The following LETM1 variants were observed in gnomAD, a reference collection of about 807,000 sequenced individuals.
The protein encoded by LETM1 is mitochondrial proton/calcium exchanger protein.
A neutral mutation model predicts 74.5 loss-of-function variants in LETM1; 50 were observed. The observed-to-expected ratio is 0.67, with a 90% confidence interval of 0.53 to 0.85. The LOEUF (loss-of-function observed/expected upper bound fraction) is 0.85. Among genes scored for constraint, LETM1 ranks in the 40% least tolerant of loss-of-function variants. The pLI, the probability that LETM1 is intolerant of heterozygous loss-of-function variation, is 0.00. For synonymous variants in LETM1, 446 were observed against 407.1 expected, an observed-to-expected ratio of 1.10 and a Z score of -1.15; for missense variants, 824 against 967.8, an observed-to-expected ratio of 0.85 and a Z score of 1.97.
At chr4:1,837,161 G>C (rs1049571148) in intron 3 of LETM1, among the ~76,000 whole-genome samples, 1 of 152,316 alleles carries the variant, frequency 6.6e-6, no homozygotes, top group Admixed American at 6.5e-5. Context: ...GGGTGATGCT[G>C]CCCCTCCTTG....
rs551095561 is a variant in LETM1 at position 1,816,113 on chromosome 4, G to A, written c.1932-311C>T. ...TTGTCCTCAGGCCTGTGGCCACTTG[G>A]CAATACGTTCACGATCATGGGGGCT... is the stretch of plus-strand genomic sequence containing the variant. On this transcript the variant is annotated intron_variant, in intron 12 of 13. Coordinates refer to ENST00000302787, the MANE Select transcript of LETM1 (RefSeq NM_012318.3). Among the ~76,000 whole-genome samples, 4 of 152,392 alleles carry A rather than the reference G, an allele frequency of 2.6e-5. No individual in the cohort carries two copies. The South Asian group carries it at 8.3e-4, about 32-fold the overall frequency.
Position 1,828,049 on chromosome 4 carries a change from A to AC in LETM1, c.1081-2367dup, listed in dbSNP as rs1368516939. 5.0e-4 allele frequency among the ~76,000 whole-genome samples: 47 copies of AC among 93,868 alleles called. 2 individuals are homozygous for AC. In the East Asian group the frequency reaches 5.6e-3, roughly 11 times the overall value. 61.6% of individuals were successfully genotyped at this position (93,868 alleles called of 152,430 possible). A position where few individuals can be genotyped will look rare whatever the true frequency, so the allele number is the denominator to read the frequency against. On this transcript the variant is annotated intron_variant, in intron 6 of 13. Transcript: ENST00000302787. ...GGCGGCTGGCCGGGCAGGGGGGCTG[A>AC]CCCCCCCCACCTCCCTCCCGGACGG... is the stretch of plus-strand genomic sequence containing the variant.
intron 7 of LETM1, among the ~76,000 whole-genome samples, chr4:1,824,617 G>A (rs946514535): frequency 4.6e-5 from 7 of 152,236 alleles, no homozygotes; most frequent in Admixed American, 1.3e-4. Context: ...AGGCACCACC[G>A]AGAGGTGGGT....
At position 1,849,132 on chromosome 4, in the gene LETM1, G is replaced by A. The variant is rs1318260050; in HGVS notation, c.143+17C>T. The A allele has an allele frequency of 1.3e-5, 21 of 1,590,440 alleles. No individual in the cohort carries two copies. The highest frequency in any genetic ancestry group is 1.8e-5 in the Non-Finnish European group (21 of 1,158,258). Reference sequence around the variant, plus strand: ...GTTTTCAAACAGACAGGTGCAGAGTGATACTGATTTACTCACAGGCAGTTC... The same window carrying A: ...GTTTTCAAACAGACAGGTGCAGAGTAATACTGATTTACTCACAGGCAGTTC... On this transcript the variant is annotated intron_variant, in intron 2 of 13. Coordinates refer to ENST00000302787, the MANE Select transcript of LETM1 (RefSeq NM_012318.3).
At chr4:1,845,001 C>A (rs897304357) in intron 2 of LETM1, among the ~76,000 whole-genome samples, 1 of 151,378 alleles carries the variant, frequency 6.6e-6, no homozygotes, top group African/African-American at 2.4e-5. Flanking sequence ...ACCAGCCTGG[C>A]CAATATGGTG....
chr4:1,812,400 T>A lies in LETM1; in HGVS notation c.*2024A>T, dbSNP rs1722496366. 6.9e-6 allele frequency: 1 copy of A among 145,036 alleles called. No homozygotes were observed. The allele number at this position is 145,036 out of a possible 1,614,324, so 9.0% of individuals were successfully genotyped here. On this transcript the variant is annotated 3_prime_UTR_variant, in exon 14 of 14. Transcript: ENST00000302787. ...AAAAAAAAAAAAAAAAGTGAGTGCT[T>A]AGCTGGAGTGAGGAGGAAACACTGA...
intron 2 of LETM1, among the ~76,000 whole-genome samples, chr4:1,847,124 G>C (rs1465355291): frequency 1.3e-5 from 2 of 151,302 alleles, no homozygotes; most frequent in African/African-American, 4.9e-5. Flanking sequence ...TTGAGTCCAG[G>C]AGTTCAAGAG....
At chr4:1,854,896 A>G (rs1449928435) in intron 1 of LETM1, among the ~76,000 whole-genome samples, 1 of 152,028 alleles carries the variant, frequency 6.6e-6, no homozygotes, top group Non-Finnish European at 1.5e-5. Flanking sequence ...AGACAAGAAT[A>G]TTGAAGCTGG....
chr4:1,844,228 T>G (rs1712805192), intron 2 of LETM1, among the ~76,000 whole-genome samples: 1 of 152,168 alleles, frequency 6.6e-6, no homozygotes, highest in Admixed American at 6.5e-5. Context: ...GCAAATCCCA[T>G]CAGCATTCAC....
chr4:1,854,479 CAAAA>C (rs538075828), intron 1 of LETM1, among the ~76,000 whole-genome samples: 1 of 100,462 alleles, frequency 1.0e-5, no homozygotes, highest in Admixed American at 1.1e-4. Flanking sequence ...GACTCCATTT[CAAAA>C]AAAAAAAAAA....
intron 2 of LETM1, chr4:1,843,041 G>C (rs879323599): frequency 2.7e-6 from 1 of 365,682 alleles, no homozygotes; most frequent in African/African-American, 2.2e-5. Context: ...CTTCACATCA[G>C]CTCCTCCTGC....
chr4:1,849,326 G>A lies in LETM1; in HGVS notation c.83-117C>T, dbSNP rs955249688. 17 of 707,582 alleles carry A rather than the reference G, an allele frequency of 2.4e-5. No homozygotes were observed. The Admixed American group carries it at 2.7e-4, about 11-fold the overall frequency. The allele number at this position is 707,582 out of a possible 1,614,324, so 43.8% of individuals were successfully genotyped here. ...TGCGCCCAGGCTAGAGTGCAATGGCGTGATCTCGGCTCACTGCAACCTCCA... is the reference window on the plus strand; with the variant it reads ...TGCGCCCAGGCTAGAGTGCAATGGCATGATCTCGGCTCACTGCAACCTCCA... On this transcript the variant is annotated intron_variant, in intron 1 of 13. Transcript: ENST00000302787.
chr4:1,819,663 C>G (rs1157474154), intron 10 of LETM1, among the ~76,000 whole-genome samples, 191 bp from the exon 11 acceptor site: 2 of 152,212 alleles, frequency 1.3e-5, no homozygotes, highest in African/African-American at 4.8e-5. Context: ...CAGTCACTGT[C>G]TGCCCTCATA....
At chr4:1,827,844 C>G (rs1437265221) in intron 6 of LETM1, among the ~76,000 whole-genome samples, 1 of 150,934 alleles carries the variant, frequency 6.6e-6, no homozygotes, top group Non-Finnish European at 1.5e-5. Flanking sequence ...AGAGGGGCTC[C>G]TCACTTCCCA....
chr4:1,838,390 G>A (rs1030909281), intron 3 of LETM1, among the ~76,000 whole-genome samples: 5 of 152,066 alleles, frequency 3.3e-5, no homozygotes, highest in East Asian at 3.9e-4. Context: ...GAGCCACTGC[G>A]CCCGGCCAGG....
chr4:1,823,641 T>C lies in LETM1; in HGVS notation c.1332+3A>G, dbSNP rs1223073255. On this transcript the variant is annotated splice_donor_region_variant and intron_variant, in intron 8 of 13. Coordinates refer to ENST00000302787, the MANE Select transcript of LETM1 (RefSeq NM_012318.3). ...GGTAAAAGGGGTCTCCGACAGCACG[T>C]ACCACAATCTCTGGGAGGGTCTGCA... 8.7e-6 allele frequency: 14 copies of C among 1,613,480 alleles called. No homozygotes were observed. The highest frequency in any genetic ancestry group is 1.3e-5 in the African/African-American group (1 of 74,910).
At position 1,846,173 on chromosome 4, in the gene LETM1, A is replaced by T. The variant is rs956011827; in HGVS notation, c.143+2976T>A. Among the ~76,000 whole-genome samples the T allele has an allele frequency of 1.4e-4, 21 of 152,094 alleles. 1 individual carries two copies. The highest frequency in any genetic ancestry group is 4.8e-4 in the African/African-American group (20 of 41,522). On this transcript the variant is annotated intron_variant, in intron 2 of 13. Coordinates refer to ENST00000302787, the MANE Select transcript of LETM1 (RefSeq NM_012318.3). Reference sequence around the variant, plus strand: ...CGCCCGGCCTCATCCATAATTCTTGATAAGTAGACAAGTCCATCAAAACAG... The same window carrying T: ...CGCCCGGCCTCATCCATAATTCTTGTTAAGTAGACAAGTCCATCAAAACAG...
At chr4:1,828,018 G>A (rs1363584270) in intron 6 of LETM1, among the ~76,000 whole-genome samples, 3 of 134,880 alleles carry the variant, frequency 2.2e-5, no homozygotes, top group Non-Finnish European at 4.6e-5. Flanking sequence ...CCCCCAACCC[G>A]GACGGGGCGG....
intron 4 of LETM1, among the ~76,000 whole-genome samples, chr4:1,835,194 C>T (rs1280623112): frequency 6.6e-6 from 1 of 152,208 alleles, no homozygotes; most frequent in Admixed American, 6.5e-5. Context: ...CCTGTAATCC[C>T]AGCACTTTGG....
Sources: gnomAD v4.1 joint callset for allele counts (sites outside exome capture counted in the v4.1 genomes callset) on GRCh38, gnomAD v4.1.1 for gene constraint, MANE v1.5 for transcripts, NCBI Gene and HGNC (gene_info 2026-07-23, HGNC 2026-07-21) for gene names.